Variants in DPH6 observed in about 807,000 individuals in gnomAD.
DPH6 encodes diphthine--ammonia ligase.
Under a neutral mutation model 38.2 loss-of-function variants are expected in DPH6, and 33 were observed. That is an observed-to-expected ratio of 0.86 (90% CI 0.65 to 1.15). The LOEUF (loss-of-function observed/expected upper bound fraction) is 1.15. Ranked by LOEUF, DPH6 falls within the 50% of genes most tolerant of loss-of-function variation. The pLI is 0.00. For missense variants in DPH6, 325 were observed against 320.0 expected, an observed-to-expected ratio of 1.02 and a Z score of -0.12; for synonymous variants, 108 against 103.0, an observed-to-expected ratio of 1.05 and a Z score of -0.30.
intron 6 of DPH6, among the ~76,000 whole-genome samples, chr15:35,403,490 A>T (rs996404763): frequency 6.6e-6 from 1 of 151,974 alleles, no homozygotes; most frequent in Non-Finnish European, 1.5e-5. Flanking sequence ...GCTATCAAAC[A>T]CTAGGTCTTA....
intron 3 of DPH6, chr15:35,282,490 T>C (rs768165593): frequency 5.3e-6 from 1 of 187,434 alleles, no homozygotes; most frequent in Non-Finnish European, 1.1e-5. Context: ...TTTTCACAAA[T>C]AGTTTTTGAA....
chr15:35,378,236 T>A (rs2052807951), intron 7 of DPH6, among the ~76,000 whole-genome samples: 1 of 152,184 alleles, frequency 6.6e-6, no homozygotes, highest in South Asian at 2.1e-4. Context: ...ATGCTCATCA[T>A]CACCTGTCAT....
the DPH6 span, among the ~76,000 whole-genome samples, chr15:35,154,600 A>G: frequency 6.6e-6 from 1 of 152,224 alleles, no homozygotes; most frequent in Admixed American, 6.5e-5. Context: ...TGAAATAAAA[A>G]AATGTTCTCT....
Position 35,291,108 on chromosome 15 carries a change from G to A in DPH6, n.201-70526C>T, listed in dbSNP as rs186259377. ...TTGTTAAGTTTCACAATTTGACAGT[G>A]ATTTAAAATAAAAACCTACATGCCT... On this transcript the variant is annotated intron_variant and non_coding_transcript_variant, in intron 3 of 3. Coordinates refer to the DPH6 transcript ENST00000560386. Among the ~76,000 whole-genome samples, 100 of 152,136 alleles carry A rather than the reference G, an allele frequency of 6.6e-4. 1 individual carries two copies. The highest frequency in any genetic ancestry group is 2.3e-3 in the African/African-American group (97 of 41,538).
At chr15:35,250,748 G>A (rs2051668393) in intron 3 of DPH6, among the ~76,000 whole-genome samples, 1 of 151,918 alleles carries the variant, frequency 6.6e-6, no homozygotes, top group African/African-American at 2.4e-5. Flanking sequence ...AAAGGAGAAG[G>A]AAGACATATA....
chr15:35,278,482 G>A (rs898321730), intron 3 of DPH6, among the ~76,000 whole-genome samples: 4 of 152,248 alleles, frequency 2.6e-5, no homozygotes, highest in African/African-American at 9.6e-5. Context: ...GGCTCTACTA[G>A]TAGGGCAGCA....
chr15:35,271,360 T>C (rs2051821579), intron 3 of DPH6, among the ~76,000 whole-genome samples: 1 of 152,132 alleles, frequency 6.6e-6, no homozygotes, highest in Admixed American at 6.5e-5. Flanking sequence ...AAAAGGGATA[T>C]GAAAATATAT....
chr15:35,439,831 CCAT>C (rs1339931488), intron 5 of DPH6, among the ~76,000 whole-genome samples: 4 of 151,770 alleles, frequency 2.6e-5, no homozygotes, highest in Non-Finnish European at 5.9e-5. Flanking sequence ...GAATAGAGTT[CCAT>C]CAAATCCAAT....
rs567483748 is a variant in DPH6, at chr15:35,484,741, G to A, written c.313-29921C>T. 2.1e-4 allele frequency among the ~76,000 whole-genome samples: 32 copies of A among 152,226 alleles called. 1 individual carries two copies. Among genetic ancestry groups the A allele is most frequent in the African/African-American group, 5.8e-4 (24 of 41,542 alleles). On this transcript the variant is annotated intron_variant, in intron 3 of 8. Coordinates refer to ENST00000256538, the MANE Select transcript of DPH6 (RefSeq NM_080650.4). ...TCTCGGGTCTAGCCCACATGCAAAG[G>A]GAAATTACAAAAGGGCATGAATACC...
At chr15:35,227,927 T>C (rs1288555759) in intron 3 of DPH6, among the ~76,000 whole-genome samples, 2 of 152,172 alleles carry the variant, frequency 1.3e-5, no homozygotes, top group Non-Finnish European at 2.9e-5. Flanking sequence ...TGTATTTGTA[T>C]AGTTTCCAAA....
At chr15:35,448,310 T>C (rs16960954) in intron 5 of DPH6, among the ~76,000 whole-genome samples, 6,728 of 152,246 alleles carry the variant, frequency 0.044, 516 homozygotes, top group African/African-American at 0.15. Flanking sequence ...AGATCTGCTA[T>C]TTGGTCTTTT....
At chr15:35,478,392 C>T (rs973620642) in intron 3 of DPH6, among the ~76,000 whole-genome samples, 4 of 150,866 alleles carry the variant, frequency 2.7e-5, no homozygotes, top group African/African-American at 9.8e-5. Flanking sequence ...CACACACACA[C>T]ACACACACAC....
intron 3 of DPH6, among the ~76,000 whole-genome samples, chr15:35,353,123 GTTGT>G (rs745626007): frequency 7.4e-4 from 112 of 152,242 alleles, no homozygotes; most frequent in East Asian, 1.4e-3. Context: ...TTTTGATGGG[GTTGT>G]TTGTTTTTTT....
intron 5 of DPH6, among the ~76,000 whole-genome samples, chr15:35,418,275 T>C (rs1555400202): frequency 6.6e-6 from 1 of 152,144 alleles, no homozygotes; most frequent in Non-Finnish European, 1.5e-5. Context: ...TAAATATCAA[T>C]ATCAAGAAAT....
chr15:35,220,830 A>G (rs1295361147), intron 3 of DPH6, among the ~76,000 whole-genome samples: 3 of 152,112 alleles, frequency 2.0e-5, no homozygotes, highest in Non-Finnish European at 4.4e-5. Context: ...AATTTTTTTG[A>G]AGTATTCCAC....
intron 3 of DPH6, among the ~76,000 whole-genome samples, chr15:35,355,863 A>G (rs1305899655): frequency 1.3e-5 from 2 of 152,156 alleles, no homozygotes; most frequent in African/African-American, 2.4e-5. Flanking sequence ...CTCCTGGATA[A>G]TATCCTGCAG....
chr15:35,243,827 C>T (rs547685462), intron 3 of DPH6, among the ~76,000 whole-genome samples: 60 of 152,284 alleles, frequency 3.9e-4, no homozygotes, highest in African/African-American at 1.4e-3. Context: ...TTCCCACGGA[C>T]GCGCATGAAA....
intron 6 of DPH6, among the ~76,000 whole-genome samples, chr15:35,387,278 T>C (rs937321248): frequency 1.3e-5 from 2 of 152,214 alleles, no homozygotes; most frequent in Non-Finnish European, 2.9e-5. Flanking sequence ...GGCAGCATGA[T>C]GTCTCCAGCT....
At chr15:35,349,886 C>G (rs993425573) in intron 3 of DPH6, among the ~76,000 whole-genome samples, 2 of 152,116 alleles carry the variant, frequency 1.3e-5, no homozygotes, top group Admixed American at 6.5e-5. Context: ...ATTTTTGCAT[C>G]GACATTCATC....
Sources: gnomAD v4.1 joint callset for allele counts (sites outside exome capture counted in the v4.1 genomes callset) on GRCh38, gnomAD v4.1.1 for gene constraint, MANE v1.5 for transcripts, NCBI Gene and HGNC (gene_info 2026-07-23, HGNC 2026-07-21) for gene names.